Variants in ABHD6 observed in about 807,000 individuals in gnomAD.
The protein encoded by ABHD6 is monoacylglycerol lipase ABHD6.
ABHD6 carries 33 observed loss-of-function variants against 38.8 expected under a neutral mutation model. The observed-to-expected ratio is 0.85, with a 90% CI of 0.64 to 1.14. The LOEUF (loss-of-function observed/expected upper bound fraction) is 1.14, where lower values mean the gene tolerates loss of function less well. ABHD6 is among the 50% of genes most tolerant of loss of function. The pLI is 0.00. For missense variants in ABHD6, 380 were observed against 422.6 expected, an observed-to-expected ratio of 0.90 and a Z score of 0.88; for synonymous variants, 147 against 161.6, an observed-to-expected ratio of 0.91 and a Z score of 0.69.
Position 58,285,281 on chromosome 3 carries a change from A to G in ABHD6, c.737-72A>G. ...AAGTGGTGGCCTGGATCTGGTGACT[A>G]TCCCTTGATTCTGCGGTGGTGCCAC... On this transcript the variant is annotated intron_variant, in intron 8 of 9. Coordinates refer to ENST00000478253, the MANE Select transcript of ABHD6 (RefSeq NM_001320126.2). This position sits in a 1 kb window ranked among gnomAD's most constrained non-coding sequence, Gnocchi z 4.9. 6.5e-7 allele frequency: 1 copy of G among 1,543,976 alleles called. No individual in the cohort carries two copies.
intron 7 of ABHD6, among the ~76,000 whole-genome samples, chr3:58,280,988 C>T (rs769323480): frequency 1.8e-4 from 27 of 152,110 alleles, no homozygotes; most frequent in Admixed American, 1.3e-3. Flanking sequence ...GAGGGGCACC[C>T]GGCCGTATGA....
chr3:58,263,927 C>G lies in ABHD6; in HGVS notation c.120-3262C>G, dbSNP rs894862380. Among the ~76,000 whole-genome samples, 2 of 152,144 alleles carry G rather than the reference C, an allele frequency of 1.3e-5. No homozygotes were observed. The highest frequency in any genetic ancestry group is 2.9e-5 in the Non-Finnish European group (2 of 68,028). On this transcript the variant is annotated intron_variant, in intron 3 of 9. Transcript: ENST00000478253. This position sits in a 1 kb window ranked among gnomAD's most constrained non-coding sequence, Gnocchi z 4.9. ...TTAATTTTCTTCAATGCTTCTTTTG[C>G]TCTTCCCACCTCTCTCCCCCACCAC...
At chr3:58,271,156 C>G in intron 6 of ABHD6, 92 bp downstream of exon 6, 1 of 1,382,816 alleles carries the variant, frequency 7.2e-7, no homozygotes. Flanking sequence ...TTGGAATCAT[C>G]TTTTTGATGT....
At chr3:58,281,376 C>T (rs780034284) in intron 7 of ABHD6, among the ~76,000 whole-genome samples, 2 of 152,160 alleles carry the variant, frequency 1.3e-5, no homozygotes, top group South Asian at 2.1e-4. Flanking sequence ...GGGAGCAAGG[C>T]TCTGTGGGCC....
At chr3:58,250,179 C>A (rs2097428979) in intron 2 of ABHD6, among the ~76,000 whole-genome samples, 1 of 152,124 alleles carries the variant, frequency 6.6e-6, no homozygotes, top group Admixed American at 6.6e-5. Context: ...GGGAACCTGG[C>A]TCTGAATTTG....
intron 2 of ABHD6, among the ~76,000 whole-genome samples, chr3:58,255,747 C>T (rs1037218412): frequency 1.3e-5 from 2 of 152,030 alleles, no homozygotes; most frequent in Admixed American, 6.6e-5. Context: ...TGGGTTCAAG[C>T]GATTCTCCTG....
At chr3:58,253,313 C>T (rs766216651) in intron 2 of ABHD6, among the ~76,000 whole-genome samples, 3 of 152,146 alleles carry the variant, frequency 2.0e-5, no homozygotes, top group Non-Finnish European at 2.9e-5. Context: ...TTTACAGTGG[C>T]CCCCAGCAGT....
At position 58,267,255 on chromosome 3, in the gene ABHD6, T is replaced by C. The variant is rs147674616; in HGVS notation, c.186T>C (p.Tyr62=). The part of the protein sequence containing the change: ...YVHHEDYQFC[Y]SFRGRPGHKP... ...ACCATGAAGACTATCAGTTCTGTTA[T>C]TCCTTCCGGGGCAGGCCTGGGCACA... The change falls in exon 4 of 10, where the codon TAT becomes TAC. Residue 62 remains tyrosine, a synonymous_variant. Transcript: ENST00000478253. This position sits in a 1 kb window ranked among gnomAD's most constrained non-coding sequence, Gnocchi z 4.3. The C allele has an allele frequency of 5.0e-6, 8 of 1,614,068 alleles. No individual in the cohort carries two copies. Among genetic ancestry groups the C allele is most frequent in the African/African-American group, 2.7e-5 (2 of 74,938 alleles).
chr3:58,247,868 C>G (rs2097427477), intron 1 of ABHD6, among the ~76,000 whole-genome samples: 1 of 152,240 alleles, frequency 6.6e-6, no homozygotes, highest in Non-Finnish European at 1.5e-5. Flanking sequence ...GCCACAGTGC[C>G]CAGCCTATAT....
intron 1 of ABHD6, among the ~76,000 whole-genome samples, chr3:58,242,386 T>A (rs34061366): frequency 0.31 from 46,610 of 151,906 alleles, 8,066 homozygotes; most frequent in East Asian, 0.76. Flanking sequence ...CCATCCAAAC[T>A]AAAACCTCTA....
intron 9 of ABHD6, among the ~76,000 whole-genome samples, chr3:58,288,389 C>T (rs1461927918): frequency 2.0e-5 from 3 of 152,222 alleles, no homozygotes; most frequent in Non-Finnish European, 4.4e-5. Flanking sequence ...CCAAACATGG[C>T]AGCCCTTCCT....
chr3:58,286,110 C>T (rs2097456772), intron 9 of ABHD6, among the ~76,000 whole-genome samples: 1 of 152,230 alleles, frequency 6.6e-6, no homozygotes, highest in East Asian at 1.9e-4. Flanking sequence ...AGCTCTGCCT[C>T]CTGGGTTCAC....
intron 6 of ABHD6, among the ~76,000 whole-genome samples, chr3:58,271,595 TCTA>T (rs1220789492): frequency 6.6e-6 from 1 of 152,096 alleles, no homozygotes; most frequent in African/African-American, 2.4e-5. Context: ...CTTTAGTTTC[TCTA>T]CTGTTATATG....
chr3:58,240,213 AAT>A (rs2097421808), intron 1 of ABHD6, among the ~76,000 whole-genome samples: 5 of 152,212 alleles, frequency 3.3e-5, no homozygotes, highest in Admixed American at 3.3e-4. Context: ...TAAGATTGGA[AAT>A]CAGCTTCACT....
chr3:58,283,341 G>C (rs1317901948), intron 7 of ABHD6, among the ~76,000 whole-genome samples: 2 of 152,216 alleles, frequency 1.3e-5, no homozygotes, highest in Non-Finnish European at 2.9e-5. Context: ...ATAAATGGCA[G>C]CTCCAAAAGT....
At chr3:58,270,853 AG>A in intron 5 of ABHD6, 78 bp from the exon 6 acceptor site, 1 of 1,450,462 alleles carries the variant, frequency 6.9e-7, no homozygotes. Context: ...TAGGAAGTCC[AG>A]GGGGCTTCTA....
intron 7 of ABHD6, among the ~76,000 whole-genome samples, chr3:58,279,670 GT>G (rs1311282866): frequency 6.6e-6 from 1 of 152,184 alleles, no homozygotes; most frequent in Non-Finnish European, 1.5e-5. Flanking sequence ...TATTGATGCA[GT>G]TTCTTCATAG....
At chr3:58,289,791 C>T (rs1478674083) in intron 9 of ABHD6, among the ~76,000 whole-genome samples, 1 of 152,000 alleles carries the variant, frequency 6.6e-6, no homozygotes, top group Non-Finnish European at 1.5e-5. Context: ...AGAGGGGCTC[C>T]TCACTTCCCA....
chr3:58,288,069 C>G (rs1035488067), intron 9 of ABHD6, among the ~76,000 whole-genome samples: 1 of 152,202 alleles, frequency 6.6e-6, no homozygotes, highest in Non-Finnish European at 1.5e-5. Flanking sequence ...GCCTAACATT[C>G]TATGGGCTTG....
Sources: gnomAD v4.1 joint callset for allele counts (sites outside exome capture counted in the v4.1 genomes callset) on GRCh38, gnomAD v4.1.1 for gene constraint, Gnocchi (gnomAD v3.1) non-coding constraint, MANE v1.5 for transcripts, NCBI Gene and HGNC (gene_info 2026-07-23, HGNC 2026-07-21) for gene names.